The following AGBL4 variants were observed in gnomAD, a reference collection of about 807,000 sequenced individuals.
The protein encoded by AGBL4 is cytosolic carboxypeptidase 6.
Under a neutral mutation model 66.4 loss-of-function variants are expected in AGBL4, and 58 were observed. The ratio of observed to expected loss-of-function variants is 0.87; its 90% CI spans 0.71 to 1.09. AGBL4 has a LOEUF of 1.09. Among genes scored for constraint, AGBL4 ranks in the 50% least tolerant of loss-of-function variants. AGBL4 has a pLI of 0.00. For missense variants in AGBL4, 579 were observed against 631.0 expected, an observed-to-expected ratio of 0.92 and a Z score of 0.88; for synonymous variants, 234 against 222.9, an observed-to-expected ratio of 1.05 and a Z score of -0.44.
Position 49,011,859 on chromosome 1 carries a change from C to T in AGBL4, c.594+33725G>A, listed in dbSNP as rs957408472. Among the ~76,000 whole-genome samples, 4 of 111,972 alleles carry T rather than the reference C, an allele frequency of 3.6e-5. No individual in the cohort carries two copies. The Admixed American group carries it at 5.6e-4, about 16-fold the overall frequency. The allele number at this position is 111,972 out of a possible 152,430, so 73.5% of individuals were successfully genotyped here. ...GATCACATGGACACAGGAAGGGGAA[C>T]ATCACACTCTGGGGACTGTTGTGGG... On this transcript the variant is annotated intron_variant, in intron 5 of 13. Transcript: ENST00000371839.
At chr1:49,319,718 T>C (rs1458950856) in intron 3 of AGBL4, among the ~76,000 whole-genome samples, 1 of 152,170 alleles carries the variant, frequency 6.6e-6, no homozygotes, top group Non-Finnish European at 1.5e-5. Context: ...CAGATATTTA[T>C]TGGCTCACAG....
At chr1:49,051,654 C>G (rs1427214480) in intron 4 of AGBL4, among the ~76,000 whole-genome samples, 1 of 152,154 alleles carries the variant, frequency 6.6e-6, no homozygotes, top group East Asian at 1.9e-4. Context: ...TCTTTGATGT[C>G]TGGCATAGCC....
chr1:48,796,031 G>T (rs1336181499), intron 6 of AGBL4, among the ~76,000 whole-genome samples: 1 of 152,180 alleles, frequency 6.6e-6, no homozygotes, highest in African/African-American at 2.4e-5. Context: ...CCATGACAAG[G>T]ATCAAACTGG....
chr1:49,306,739 A>T (rs1644854949), intron 3 of AGBL4, among the ~76,000 whole-genome samples: 1 of 152,174 alleles, frequency 6.6e-6, no homozygotes, highest in East Asian at 1.9e-4. Flanking sequence ...AGAAGAAATT[A>T]TGGTAATTTC....
At chr1:49,505,988 T>C (rs958289615) in intron 3 of AGBL4, among the ~76,000 whole-genome samples, 13 of 152,046 alleles carry the variant, frequency 8.6e-5, no homozygotes, top group Admixed American at 3.3e-4. Flanking sequence ...ATTTCTGGTG[T>C]TGATACTCTC....
chr1:49,075,080 C>T (rs1167844838), intron 4 of AGBL4, among the ~76,000 whole-genome samples: 1 of 152,228 alleles, frequency 6.6e-6, no homozygotes, highest in Non-Finnish European at 1.5e-5. Flanking sequence ...ACATTTCACT[C>T]ATGATGGCCA....
intron 9 of AGBL4, among the ~76,000 whole-genome samples, chr1:48,610,640 T>C (rs539963065): frequency 2.0e-5 from 3 of 152,362 alleles, no homozygotes; most frequent in African/African-American, 4.8e-5. Flanking sequence ...CTTGTCATTA[T>C]GCACATTTAG....
intron 6 of AGBL4, among the ~76,000 whole-genome samples, chr1:48,796,788 T>G (rs898543171): frequency 1.3e-5 from 2 of 152,138 alleles, no homozygotes; most frequent in African/African-American, 4.8e-5. Context: ...ACAGATTGGG[T>G]CCCACACTAT....
chr1:49,323,448 ATTTTTTTTT>A (rs11295329), intron 3 of AGBL4, among the ~76,000 whole-genome samples: 6 of 114,888 alleles, frequency 5.2e-5, no homozygotes, highest in Non-Finnish European at 7.1e-5. Flanking sequence ...TGCCTGGCTA[ATTTTTTTTT>A]TTTTTTTTTT....
intron 3 of AGBL4, among the ~76,000 whole-genome samples, chr1:49,277,026 A>AG (rs1644181535): frequency 6.6e-6 from 1 of 152,168 alleles, no homozygotes; most frequent in South Asian, 2.1e-4. Context: ...CAAACCATGC[A>AG]GAAAAAAAAG....
chr1:49,072,434 C>G (rs1289796862), intron 4 of AGBL4, among the ~76,000 whole-genome samples: 1 of 152,104 alleles, frequency 6.6e-6, no homozygotes, highest in Admixed American at 6.5e-5. Flanking sequence ...TAAGGCAGGC[C>G]TGGTGGTGAC....
intron 3 of AGBL4, among the ~76,000 whole-genome samples, chr1:49,360,878 C>T (rs1021777781): frequency 6.6e-6 from 1 of 151,440 alleles, no homozygotes; most frequent in African/African-American, 2.4e-5. Flanking sequence ...AGTGGCACAA[C>T]CTCTGCCTTC....
At chr1:49,408,601 T>C (rs1475097341) in intron 3 of AGBL4, among the ~76,000 whole-genome samples, 3 of 152,202 alleles carry the variant, frequency 2.0e-5, no homozygotes, top group Non-Finnish European at 2.9e-5. Flanking sequence ...CAGAGGAACA[T>C]GGAAGGACTT....
At chr1:49,388,266 G>A (rs1644777521) in intron 3 of AGBL4, among the ~76,000 whole-genome samples, 1 of 152,044 alleles carries the variant, frequency 6.6e-6, no homozygotes, top group Non-Finnish European at 1.5e-5. Context: ...ATAGGCCATA[G>A]AGTGTCTGTT....
At chr1:49,164,024 C>G (rs1051832123) in intron 4 of AGBL4, among the ~76,000 whole-genome samples, 4 of 152,040 alleles carry the variant, frequency 2.6e-5, no homozygotes, top group South Asian at 4.1e-4. Flanking sequence ...TTTGAAGGAC[C>G]TTGAAAGAGT....
At chr1:49,275,424 T>C (rs1319651028) in intron 3 of AGBL4, among the ~76,000 whole-genome samples, 2 of 152,164 alleles carry the variant, frequency 1.3e-5, no homozygotes, top group African/African-American at 4.8e-5. Flanking sequence ...GGCTTTTAAA[T>C]GTCTAATCTG....
At chr1:49,786,458 A>G (rs996849283) in intron 2 of AGBL4, among the ~76,000 whole-genome samples, 3 of 152,146 alleles carry the variant, frequency 2.0e-5, no homozygotes, top group Non-Finnish European at 4.4e-5. Context: ...ACAAGCTTCC[A>G]TTGTTTCATT....
At chr1:49,179,310 A>T (rs895513916) in intron 4 of AGBL4, among the ~76,000 whole-genome samples, 2 of 152,184 alleles carry the variant, frequency 1.3e-5, no homozygotes, top group Admixed American at 6.5e-5. Flanking sequence ...GAGCCAAAGG[A>T]TACAAAATCA....
chr1:49,865,289 C>T (rs1227581477), intron 1 of AGBL4, among the ~76,000 whole-genome samples: 3 of 152,130 alleles, frequency 2.0e-5, no homozygotes, highest in Admixed American at 6.5e-5. Context: ...TCCCTGATCC[C>T]GTGCCTCCTG....
Sources: allele counts gnomAD v4.1 joint callset (sites outside exome capture counted in the v4.1 genomes callset), GRCh38; gene constraint gnomAD v4.1.1; transcripts MANE v1.5; gene names NCBI Gene and HGNC (gene_info 2026-07-23, HGNC 2026-07-21).